The following CCDC7 variants were observed in gnomAD, a reference collection of about 807,000 sequenced individuals.
CCDC7 encodes coiled-coil domain-containing protein 7.
In CCDC7, 183 loss-of-function variants were observed where a neutral mutation model predicts 196.9. The observed-to-expected ratio is 0.93, with a 90% CI of 0.82 to 1.05. CCDC7 has a LOEUF of 1.05. CCDC7 is among the 50% of genes least tolerant of loss of function. The pLI, the probability that CCDC7 is intolerant of heterozygous loss-of-function variation, is 0.00. For missense variants in CCDC7, 1,540 were observed against 1,482.2 expected, an observed-to-expected ratio of 1.04 and a Z score of -0.64; for synonymous variants, 525 against 484.6, an observed-to-expected ratio of 1.08 and a Z score of -1.10.
At chr10:32,674,215 T>C (rs2074548574) in intron 21 of CCDC7, among the ~76,000 whole-genome samples, 1 of 151,934 alleles carries the variant, frequency 6.6e-6, no homozygotes, top group Non-Finnish European at 1.5e-5. Context: ...TTTTTTATAG[T>C]GATTATCAAC....
chr10:32,547,654 G>A lies in CCDC7; in HGVS notation c.1134+3353G>A, dbSNP rs562392571. On this transcript the variant is annotated intron_variant, in intron 13 of 41. Coordinates refer to ENST00000639629, the Ensembl canonical transcript of CCDC7. ...GTGTATATATTTATGGGATACATGA[G>A]ATATTTTGATACAAGCATACAATGC... Among the ~76,000 whole-genome samples, 18 of 152,240 alleles carry A rather than the reference G, an allele frequency of 1.2e-4. No homozygotes were observed. The South Asian group carries it at 3.3e-3, about 28-fold the overall frequency.
chr10:32,724,138 A>T (rs928736136), intron 25 of CCDC7, among the ~76,000 whole-genome samples: 5 of 152,126 alleles, frequency 3.3e-5, no homozygotes, highest in African/African-American at 1.2e-4. Flanking sequence ...AGCATTCCCC[A>T]AAAGCACTCC....
chr10:32,785,558 A>G (rs1163171437), intron 29 of CCDC7, among the ~76,000 whole-genome samples: 7 of 152,206 alleles, frequency 4.6e-5, no homozygotes, highest in African/African-American at 1.4e-4. Context: ...TAGAAAAAGA[A>G]GATGATAAAA....
rs144540202 is a variant in CCDC7, at chr10:32,845,604, G to A, written c.3498G>A (p.Thr1166=). 5.3e-5 allele frequency: 85 copies of A among 1,611,962 alleles called. No homozygotes were observed. The African/African-American group carries it at 1.0e-3, about 19-fold the overall frequency. ...GAGGTCTAATGAAGGAGTCAACCAC[G>A]ACACAATTAAAAAGTCACCCAGGTA... is the stretch of plus-strand genomic sequence containing the variant. The change falls in exon 35 of 42, where the codon ACG becomes ACA. Residue 1166 remains threonine, a synonymous_variant. Coordinates refer to ENST00000639629, the Ensembl canonical transcript of CCDC7.
chr10:32,645,198 C>A (rs1344653551), intron 20 of CCDC7, among the ~76,000 whole-genome samples: 1 of 152,006 alleles, frequency 6.6e-6, no homozygotes, highest in African/African-American at 2.4e-5. Context: ...ACAAAAATAA[C>A]AAAATCTTTC....
chr10:32,619,984 A>G (rs1452576119), intron 18 of CCDC7, among the ~76,000 whole-genome samples: 1 of 128,232 alleles, frequency 7.8e-6, no homozygotes, highest in Non-Finnish European at 1.5e-5. Flanking sequence ...ATTCAGTGGC[A>G]TGATCTTGGC....
chr10:32,578,933 C>T lies in CCDC7; in HGVS notation c.1455-4101C>T, dbSNP rs184944024. ...GCCTAGACAACATGTAATGTTTCTT[C>T]GGTGTTGATCACAGTCATCAGTGTG... On this transcript the variant is annotated intron_variant, in intron 16 of 41. Transcript: ENST00000639629. Among the ~76,000 whole-genome samples, 15 of 152,174 alleles carry T rather than the reference C, an allele frequency of 9.9e-5. No homozygotes were observed. The East Asian group carries it at 1.5e-3, about 16-fold the overall frequency.
chr10:32,456,262 T>C (rs2034316703), exon 3 of CCDC7: 1 of 1,555,388 alleles, frequency 6.4e-7, no homozygotes. Context: ...TTGGGGATGA[T>C]ATGAATTCAT....
At chr10:32,778,854 T>C in intron 28 of CCDC7, 123 bp from the exon 30 acceptor site, 1 of 660,764 alleles carries the variant, frequency 1.5e-6, no homozygotes, top group Non-Finnish European at 2.6e-6. Context: ...TGATTTCTTT[T>C]GCAGTGTTTT....
chr10:32,780,076 A>ATC (rs2080799066), intron 29 of CCDC7, among the ~76,000 whole-genome samples: 1 of 152,162 alleles, frequency 6.6e-6, no homozygotes, highest in African/African-American at 2.4e-5. Context: ...GTCTCTACAA[A>ATC]AATACAAAAA....
At chr10:32,580,082 C>T (rs777113666) in intron 16 of CCDC7, among the ~76,000 whole-genome samples, 4 of 151,950 alleles carry the variant, frequency 2.6e-5, no homozygotes, top group African/African-American at 7.3e-5. Context: ...AGATATTAAC[C>T]GAGGCCATTC....
At chr10:32,728,463 G>T (rs2083440321) in intron 26 of CCDC7, among the ~76,000 whole-genome samples, 1 of 152,004 alleles carries the variant, frequency 6.6e-6, no homozygotes, top group Non-Finnish European at 1.5e-5. Flanking sequence ...ATTGTTTGTG[G>T]TATATATATC....
Position 32,576,788 on chromosome 10 carries a change from G to C in CCDC7, c.1454+4895G>C, listed in dbSNP as rs541730254. Among the ~76,000 whole-genome samples the C allele has an allele frequency of 6.6e-5, 10 of 152,010 alleles. No individual in the cohort carries two copies. In the East Asian group the frequency reaches 1.7e-3, roughly 26 times the overall value. ...CTGGTCTAGAACTCCTGGACTCAGGGACTTTTCGCACCTCAGCTTCCTAAA... is the reference window on the plus strand; with the variant it reads ...CTGGTCTAGAACTCCTGGACTCAGGCACTTTTCGCACCTCAGCTTCCTAAA... On this transcript the variant is annotated intron_variant, in intron 16 of 41. Transcript: ENST00000639629.
At chr10:32,560,958 A>G (rs1257622608) in intron 13 of CCDC7, among the ~76,000 whole-genome samples, 2 of 152,200 alleles carry the variant, frequency 1.3e-5, no homozygotes, top group Non-Finnish European at 2.9e-5. Flanking sequence ...GGCTCAAAAT[A>G]AAAGGATGGA....
At chr10:32,494,284 C>G (rs2042571814) in intron 9 of CCDC7, among the ~76,000 whole-genome samples, 1 of 151,928 alleles carries the variant, frequency 6.6e-6, no homozygotes, top group African/African-American at 2.4e-5. Flanking sequence ...AAGAGACATT[C>G]TTTTCCTAAT....
Position 32,518,026 on chromosome 10 carries a change from A to G in CCDC7, c.903+51A>G, listed in dbSNP as rs188241236. 337 of 1,522,134 alleles carry G rather than the reference A, an allele frequency of 2.2e-4. 1 individual carries two copies. The Middle Eastern group carries it at 8.4e-3, about 38-fold the overall frequency. 94.3% of individuals were successfully genotyped at this position (1,522,134 alleles called of 1,614,324 possible). ...ATTACACTTTGTCCTTGAGTTCTTA[A>G]CAGATTCTAGAAATTGTCAGGATAC... On this transcript the variant is annotated intron_variant, in intron 10 of 41. Transcript: ENST00000639629.
At chr10:32,459,673 TG>T (rs1328192233) in intron 3 of CCDC7, among the ~76,000 whole-genome samples, 37 of 135,816 alleles carry the variant, frequency 2.7e-4, no homozygotes, top group African/African-American at 7.1e-4. Context: ...TTTTTTTTTT[TG>T]CTGTTAGCAC....
chr10:32,683,491 A>T (rs368812514), intron 21 of CCDC7, among the ~76,000 whole-genome samples: 1 of 152,190 alleles, frequency 6.6e-6, no homozygotes, highest in Non-Finnish European at 1.5e-5. Context: ...TTATTGCTCC[A>T]TATGAATTTT....
intron 18 of CCDC7, among the ~76,000 whole-genome samples, chr10:32,612,056 G>C (rs1210080993): frequency 6.6e-6 from 1 of 152,194 alleles, no homozygotes; most frequent in Non-Finnish European, 1.5e-5. Flanking sequence ...CATGAGCATG[G>C]AATGTTTTTC....
Sources: allele counts gnomAD v4.1 joint callset (sites outside exome capture counted in the v4.1 genomes callset), GRCh38; gene constraint gnomAD v4.1.1; transcripts MANE v1.5; gene names NCBI Gene and HGNC (gene_info 2026-07-23, HGNC 2026-07-21).